DNAH6: variants seen among roughly 807,000 people sequenced by gnomAD.
DNAH6 encodes dynein axonemal heavy chain 6, also known as axonemal beta dynein heavy chain 6.
In DNAH6, 340 loss-of-function variants were observed where a neutral mutation model predicts 491.4. The observed-to-expected ratio is 0.69, with a 90% confidence interval of 0.63 to 0.76. The LOEUF is 0.76. DNAH6 is among the 30% of genes least tolerant of loss of function. The pLI, the probability that DNAH6 is intolerant of heterozygous loss-of-function variation, is 0.00. For synonymous variants in DNAH6, 1,603 were observed against 1,686.1 expected, an observed-to-expected ratio of 0.95 and a Z score of 1.21; for missense variants, 4,443 against 4,972.2, an observed-to-expected ratio of 0.89 and a Z score of 3.20.
rs975034687 is a variant in DNAH6 at position 84,685,350 on chromosome 2, C to T, written c.6941C>T (p.Thr2314Ile). 19 of 1,512,578 alleles carry T rather than the reference C, an allele frequency of 1.3e-5. No individual in the cohort carries two copies. The highest frequency in any genetic ancestry group is 2.1e-5 in the Admixed American group (1 of 47,946). The allele number at this position is 1,512,578 out of a possible 1,614,324, so 93.7% of individuals were successfully genotyped here. A position where few individuals can be genotyped will look rare whatever the true frequency, so the allele number is the denominator to read the frequency against. The change falls in exon 43 of 77, where the codon ACA becomes ATA. Residue 2314 changes from threonine (T) to isoleucine (I), a missense_variant. Around this residue, in one of 3 missense-constraint regions of DNAH6, gnomAD observed 2,977 missense variants for 3,296.6 expected, o/e 0.90. Transcript: ENST00000389394. ...GGTATCCTCCAATGTGATCCAGGAACAATAAGAGAAGAAATTCAGATATTT... is the reference window on the plus strand; with the variant it reads ...GGTATCCTCCAATGTGATCCAGGAATAATAAGAGAAGAAATTCAGATATTT... ...VQGILQCDPGTIREEIQIFRL... is the reference protein window; with the variant it reads ...VQGILQCDPGIIREEIQIFRL...
At chr2:84,628,034 C>T (rs1439239928) in intron 29 of DNAH6, among the ~76,000 whole-genome samples, 1 of 152,156 alleles carries the variant, frequency 6.6e-6, no homozygotes, top group South Asian at 2.1e-4. Context: ...AGCCTTCTCT[C>T]TAGAACCTCG....
intron 68 of DNAH6, 45 bp downstream of exon 68, chr2:84,787,347 A>C: frequency 6.6e-7 from 1 of 1,515,504 alleles, no homozygotes. Context: ...TGTACCACAA[A>C]GTTGTTGGTT....
chr2:84,607,399 T>C (rs1341493675), intron 21 of DNAH6, among the ~76,000 whole-genome samples: 2 of 152,150 alleles, frequency 1.3e-5, no homozygotes, highest in Non-Finnish European at 2.9e-5. Flanking sequence ...ATGAATTTTT[T>C]GGTTTCCAAG....
rs150900570 is a variant in DNAH6 at position 84,603,662 on chromosome 2, G to A, written c.2869-677G>A. Among the ~76,000 whole-genome samples, 325 of 152,166 alleles carry A rather than the reference G, an allele frequency of 2.1e-3. 1 individual carries two copies. The highest frequency in any genetic ancestry group is 7.6e-3 in the African/African-American group (316 of 41,502). On this transcript the variant is annotated intron_variant, in intron 18 of 76. Transcript: ENST00000389394. The stretch of plus-strand genomic sequence containing the variant: ...TTTTCCAGCTATAGTGCTGAGCCTA[G>A]CACTTATTTTTGTCCCTCCCTCAAG...
intron 64 of DNAH6, chr2:84,778,156 T>A (rs1033756103): frequency 6.2e-5 from 47 of 753,882 alleles, no homozygotes; most frequent in Middle Eastern, 7.6e-4. Flanking sequence ...ACAACTATAA[T>A]CTTATCCTGG....
intron 40 of DNAH6, among the ~76,000 whole-genome samples, chr2:84,675,595 A>T (rs1452302009): frequency 6.6e-6 from 1 of 152,142 alleles, no homozygotes; most frequent in African/African-American, 2.4e-5. Flanking sequence ...GGTTCCCCCA[A>T]CAAGCATTGC....
chr2:84,584,429 A>G, intron 15 of DNAH6, 179 bp downstream of exon 15: 1 of 631,842 alleles, frequency 1.6e-6, no homozygotes, highest in South Asian at 2.2e-5. Context: ...CCATCACGTC[A>G]CATACATCAT....
chr2:84,474,227 G>A, the DNAH6 span, among the ~76,000 whole-genome samples: 6 of 152,150 alleles, frequency 3.9e-5, no homozygotes, highest in African/African-American at 9.7e-5. Context: ...ATCTGTTAAC[G>A]TTCTCCATTT....
intron 4 of DNAH6, among the ~76,000 whole-genome samples, chr2:84,533,030 A>G (rs578153702): frequency 1.1e-4 from 17 of 152,184 alleles, no homozygotes; most frequent in South Asian, 8.3e-4. Flanking sequence ...TTTTTTTCCA[A>G]TTGTCACTAA....
In DNAH6 at chr2:84,653,831, G is replaced by T; in HGVS notation, c.5591G>T (p.Ser1864Ile). 1 of 1,551,322 alleles carries T rather than the reference G, an allele frequency of 6.4e-7. No homozygotes were observed. Among genetic ancestry groups the T allele is most frequent in the South Asian group, 1.2e-5 (1 of 84,014 alleles). ...AACAAGATGCTTTGCCTGGCTAACA[G>T]TGAGAGGATTAAACTCACACCTCAA... ...DDNKMLCLAN[S>I]ERIKLTPQIH... The change falls in exon 34 of 77, where the codon AGT becomes ATT. Residue 1864 changes from serine to isoleucine, a missense_variant. This residue lies in a region of DNAH6 where 2,977 missense variants were observed against 3,296.6 expected (regional missense o/e 0.90). Transcript: ENST00000389394.
chr2:84,714,586 A>T (rs1012220371), intron 57 of DNAH6, among the ~76,000 whole-genome samples: 1 of 152,128 alleles, frequency 6.6e-6, no homozygotes, highest in African/African-American at 2.4e-5. Context: ...TTGTACATTT[A>T]AAAATAACTA....
chr2:84,644,973 GGTCAAATGGTA>G (rs1198698902), intron 33 of DNAH6, among the ~76,000 whole-genome samples: 2 of 152,168 alleles, frequency 1.3e-5, no homozygotes, highest in African/African-American at 4.8e-5. Context: ...GGGATTGCTG[GGTCAAATGGTA>G]GTTCTGTTTT....
At chr2:84,470,410 G>A in the DNAH6 span, among the ~76,000 whole-genome samples, 1 of 152,220 alleles carries the variant, frequency 6.6e-6, no homozygotes, top group Non-Finnish European at 1.5e-5. Flanking sequence ...CCTGAGAGCT[G>A]CTGGTTGCCC....
In DNAH6 at chr2:84,703,623, T is replaced by A. The variant is rs1246320065; in HGVS notation, c.8229+61T>A. ...CTGTCAGCAACTGATCACTTATATA[T>A]AATGAGACACGATTGGATTTTTTTA... On this transcript the variant is annotated intron_variant, in intron 50 of 76. Coordinates refer to ENST00000389394, the MANE Select transcript of DNAH6 (RefSeq NM_001370.2). The A allele has an allele frequency of 1.1e-5, 14 of 1,333,170 alleles. No homozygotes were observed. The Admixed American group carries it at 4.3e-4, about 41-fold the overall frequency. 82.6% of individuals were successfully genotyped at this position (1,333,170 alleles called of 1,614,324 possible). A position where few individuals can be genotyped will look rare whatever the true frequency, so the allele number is the denominator to read the frequency against.
chr2:84,797,543 A>G lies in DNAH6; in HGVS notation c.11366A>G (p.Tyr3789Cys). The G allele has an allele frequency of 1.3e-6, 2 of 1,551,550 alleles. No homozygotes were observed. The highest frequency in any genetic ancestry group is 1.7e-6 in the Non-Finnish European group (2 of 1,146,842). Residue 3789 changes from tyrosine to cysteine, a missense_variant, in exon 70 of 77, where the codon TAT becomes TGT. By Grantham distance (194) the Tyr-to-Cys change is radical. Coordinates refer to ENST00000389394, the MANE Select transcript of DNAH6 (RefSeq NM_001370.2). The stretch of plus-strand genomic sequence containing the variant: ...TCTGTGTTTTTAATAACAGGCATCT[A>G]TTTTGCACCCATGGCTGACAGCCTA... ...EDYKYSESGI[Y>C]FAPMADSLQE...
the DNAH6 span, among the ~76,000 whole-genome samples, chr2:84,496,871 C>A: frequency 6.6e-6 from 1 of 152,130 alleles, no homozygotes; most frequent in Admixed American, 6.6e-5. Flanking sequence ...TCTCCTACCC[C>A]TCTCCCAGCC....
intron 13 of DNAH6, 119 bp downstream of exon 13, chr2:84,577,527 C>A: frequency 1.4e-6 from 1 of 698,344 alleles, no homozygotes; most frequent in Non-Finnish European, 2.1e-6. Context: ...TAACATAAGA[C>A]TATTGGACAT....
At chr2:84,461,695 G>A in the DNAH6 span, among the ~76,000 whole-genome samples, 4 of 152,152 alleles carry the variant, frequency 2.6e-5, no homozygotes, top group Admixed American at 6.5e-5. Flanking sequence ...TATCATTAAA[G>A]AACTGTCTTT....
chr2:84,715,641 G>C lies in DNAH6; in HGVS notation c.9611+14G>C, dbSNP rs1697452971. On this transcript the variant is annotated intron_variant, in intron 58 of 76. Transcript: ENST00000389394. ...TCAGTTGTTAAGGTAAAAAAACAGG[G>C]AGTTGAGGGGAGGGAAGGGGGTATT... The C allele has an allele frequency of 6.5e-7, 1 of 1,549,858 alleles. No individual in the cohort carries two copies. The highest frequency in any genetic ancestry group is 1.4e-5 in the African/African-American group (1 of 72,952).
Sources: gnomAD v4.1 joint callset for allele counts (sites outside exome capture counted in the v4.1 genomes callset) on GRCh38, gnomAD v4.1.1 for gene constraint, gnomAD v4.1.1 regional missense constraint, MANE v1.5 for transcripts, NCBI Gene and HGNC (gene_info 2026-07-23, HGNC 2026-07-21) for gene names.